Variants in ADAM32 observed in about 807,000 individuals in gnomAD.
The protein encoded by ADAM32 is disintegrin and metalloproteinase domain-containing protein 32.
In ADAM32, 89 loss-of-function variants were observed where a neutral mutation model predicts 114.9. That is an observed-to-expected ratio of 0.77 (90% CI 0.65 to 0.92). ADAM32 has a LOEUF of 0.92. ADAM32 is among the 40% of genes least tolerant of loss of function. ADAM32 has a pLI of 0.00. For synonymous variants in ADAM32, 285 were observed against 307.5 expected (o/e 0.93, Z 0.77); for missense variants, 870 against 932.8 (o/e 0.93, Z 0.88).
At chr8:39,241,750 C>T (rs1810571418) in intron 16 of ADAM32, among the ~76,000 whole-genome samples, 1 of 152,226 alleles carries the variant, frequency 6.6e-6, no homozygotes, top group African/African-American at 2.4e-5. Context: ...CTCCAGGCCT[C>T]TGACTGGAGA....
intron 16 of ADAM32, among the ~76,000 whole-genome samples, chr8:39,245,051 C>A (rs538725711): frequency 6.6e-6 from 1 of 151,954 alleles, no homozygotes; most frequent in Non-Finnish European, 1.5e-5. Flanking sequence ...AAAATATAAT[C>A]AGCAGAGTAA....
intron 6 of ADAM32, among the ~76,000 whole-genome samples, chr8:39,159,997 T>C (rs1804394560): frequency 6.6e-6 from 1 of 152,124 alleles, no homozygotes; most frequent in Non-Finnish European, 1.5e-5. Flanking sequence ...ATTTTTATGT[T>C]TTTTTCTGGG....
chr8:39,176,310 G>C (rs1805529402), intron 10 of ADAM32, among the ~76,000 whole-genome samples: 1 of 152,044 alleles, frequency 6.6e-6, no homozygotes, highest in African/African-American at 2.4e-5. Flanking sequence ...CTAGCTTTTT[G>C]ATGTGGCCAT....
chr8:39,270,841 A>T, intron 19 of ADAM32, 35 bp from the exon 20 acceptor site: 1 of 1,572,246 alleles, frequency 6.4e-7, no homozygotes, highest in Middle Eastern at 1.7e-4. Flanking sequence ...AAGTTTTCTA[A>T]GTACTAACAT....
At chr8:39,198,121 A>G (rs1807134039) in intron 11 of ADAM32, among the ~76,000 whole-genome samples, 1 of 151,692 alleles carries the variant, frequency 6.6e-6, no homozygotes, top group Non-Finnish European at 1.5e-5. Flanking sequence ...TTTTTCTGAC[A>G]TAAGTATAGC....
chr8:39,256,331 C>T (rs1292221355), intron 18 of ADAM32, among the ~76,000 whole-genome samples: 1 of 152,018 alleles, frequency 6.6e-6, no homozygotes, highest in Non-Finnish European at 1.5e-5. Context: ...AAACAAATGA[C>T]ATTTTCTCTG....
chr8:39,274,758 C>T (rs1047130547), intron 21 of ADAM32, among the ~76,000 whole-genome samples: 12 of 152,220 alleles, frequency 7.9e-5, no homozygotes, highest in African/African-American at 2.7e-4. Flanking sequence ...AAAATTCCTA[C>T]AGCCTAGTGA....
intron 10 of ADAM32, among the ~76,000 whole-genome samples, chr8:39,171,851 C>CTA (rs1344621549): frequency 6.6e-6 from 1 of 150,680 alleles, no homozygotes; most frequent in African/African-American, 2.4e-5. Context: ...TATGTAATAT[C>CTA]TATATATATG....
intron 19 of ADAM32, among the ~76,000 whole-genome samples, chr8:39,265,921 A>G (rs1585681336): frequency 6.6e-6 from 1 of 152,134 alleles, no homozygotes; most frequent in East Asian, 1.9e-4. Flanking sequence ...CTGCTTATGA[A>G]GCTTAGTTTG....
Position 39,284,307 on chromosome 8 carries a change from A to G in ADAM32, c.2358-486A>G, listed in dbSNP as rs548440400. Among the ~76,000 whole-genome samples the G allele has an allele frequency of 5.3e-4, 80 of 152,172 alleles. 1 individual carries two copies. The South Asian group carries it at 0.016, about 31-fold the overall frequency. On this transcript the variant is annotated intron_variant, in intron 24 of 24. Transcript: ENST00000379907. ...TTTTATTCATTAGGCAGCATAGGCT[A>G]TAATGCTTCAGGTCTATGAATTTTC... is the stretch of plus-strand genomic sequence containing the variant.
intron 16 of ADAM32, among the ~76,000 whole-genome samples, chr8:39,238,427 A>G (rs1203293993): frequency 1.3e-5 from 2 of 152,254 alleles, no homozygotes; most frequent in Non-Finnish European, 2.9e-5. Context: ...GAGTCTGAAC[A>G]GCAGCACTTG....
At chr8:39,151,293 A>ATT in intron 5 of ADAM32, 84 bp from the exon 6 acceptor site, 3 of 1,197,030 alleles carry the variant, frequency 2.5e-6, no homozygotes, top group Non-Finnish European at 2.2e-6. Flanking sequence ...AAAACGTTTT[A>ATT]TTTTTTTTTC....
chr8:39,284,351 A>G (rs1054363239), intron 24 of ADAM32, among the ~76,000 whole-genome samples: 6 of 150,710 alleles, frequency 4.0e-5, no homozygotes, highest in African/African-American at 1.5e-4. Context: ...AAAGGCCAAA[A>G]TACTGTTATA....
At chr8:39,198,351 T>C (rs183652652) in intron 11 of ADAM32, among the ~76,000 whole-genome samples, 84 of 152,292 alleles carry the variant, frequency 5.5e-4, no homozygotes, top group African/African-American at 1.3e-3. Flanking sequence ...TCAATTGTTT[T>C]CTGATTGATA....
At chr8:39,250,189 CTT>C (rs1294252862) in intron 17 of ADAM32, among the ~76,000 whole-genome samples, 1 of 151,700 alleles carries the variant, frequency 6.6e-6, no homozygotes, top group African/African-American at 2.4e-5. Context: ...TTTTTGTTCT[CTT>C]GGTATCCTCA....
intron 24 of ADAM32, among the ~76,000 whole-genome samples, chr8:39,284,360 T>TACACACACACACACACGTACACAC (rs1407765634): frequency 6.7e-6 from 1 of 149,332 alleles, no homozygotes; most frequent in African/African-American, 2.5e-5. Flanking sequence ...AATACTGTTA[T>TACACACACACACACACGTACACAC]ACACACACAC....
chr8:39,210,882 A>G (rs536780021), intron 11 of ADAM32, among the ~76,000 whole-genome samples: 15 of 152,232 alleles, frequency 9.9e-5, no homozygotes, highest in African/African-American at 3.6e-4. Context: ...TATCTGCTCA[A>G]ATCCTTTGCC....
intron 10 of ADAM32, among the ~76,000 whole-genome samples, chr8:39,181,989 T>G (rs1394912523): frequency 6.6e-6 from 1 of 152,188 alleles, no homozygotes; most frequent in Non-Finnish European, 1.5e-5. Flanking sequence ...AAAACACAAT[T>G]TTTATACTTA....
chr8:39,209,086 T>C (rs1269435262), intron 11 of ADAM32, among the ~76,000 whole-genome samples: 1 of 152,198 alleles, frequency 6.6e-6, no homozygotes, highest in East Asian at 1.9e-4. Flanking sequence ...TCTACCCCCT[T>C]TCTCTTCCTC....
Sources: allele counts gnomAD v4.1 joint callset (sites outside exome capture counted in the v4.1 genomes callset), GRCh38; gene constraint gnomAD v4.1.1; transcripts MANE v1.5; gene names NCBI Gene and HGNC (gene_info 2026-07-23, HGNC 2026-07-21).